LRRC37B: variants seen among roughly 807,000 people sequenced by gnomAD.
LRRC37B encodes the protein leucine-rich repeat-containing protein 37B.
A neutral mutation model predicts 98.3 loss-of-function variants in LRRC37B; 28 were observed. The observed-to-expected ratio is 0.28, with a 90% CI of 0.21 to 0.39. LRRC37B has a LOEUF of 0.39. Among genes scored for constraint, LRRC37B ranks in the 10% least tolerant of loss-of-function variants. The pLI, the probability that LRRC37B is intolerant of heterozygous loss-of-function variation, is 1.00. For missense variants in LRRC37B, 938 were observed against 1,182.7 expected (o/e 0.79, Z 3.03); for synonymous variants, 364 against 442.7 (o/e 0.82, Z 2.23).
At chr17:32,021,461 A>C in exon 1 of LRRC37B, 1 of 1,614,102 alleles carries the variant, frequency 6.2e-7, no homozygotes, top group Middle Eastern at 1.7e-4. Context: ...ATTCAGCTGG[A>C]GAGCTGCCCC....
At chr17:32,034,805 TA>T (rs1911201681) in intron 5 of LRRC37B, 104 bp from the exon 9 acceptor site, 9 of 820,352 alleles carry the variant, frequency 1.1e-5, no homozygotes, top group South Asian at 1.1e-4. Flanking sequence ...AGCAGAAAAT[TA>T]TTTTTTTTAC....
exon 1 of LRRC37B, chr17:32,021,343 C>A (rs774198958): frequency 1.2e-6 from 2 of 1,613,998 alleles, no homozygotes; most frequent in Non-Finnish European, 8.5e-7. Flanking sequence ...CCTGCTCCCC[C>A]AGCAGCCCCG....
exon 9 of LRRC37B, chr17:32,047,848 T>C: frequency 6.2e-7 from 1 of 1,614,132 alleles, no homozygotes; most frequent in Non-Finnish European, 8.5e-7. Context: ...CAGCTGACTA[T>C]TGAGTCGGAG....
chr17:32,029,459 G>A (rs1041625756), intron 3 of LRRC37B, among the ~76,000 whole-genome samples: 9 of 152,236 alleles, frequency 5.9e-5, no homozygotes, highest in Non-Finnish European at 1.2e-4. Flanking sequence ...AAGAAGAAAT[G>A]GATGTGGGCA....
chr17:32,037,068 C>T (rs1911267803), intron 7 of LRRC37B, among the ~76,000 whole-genome samples: 1 of 140,520 alleles, frequency 7.1e-6, no homozygotes, highest in African/African-American at 2.6e-5. Context: ...CTCACTGCAA[C>T]CTCTACCTCC....
intron 8 of LRRC37B, among the ~76,000 whole-genome samples, chr17:32,046,383 G>T (rs367328): frequency 0.13 from 17,990 of 138,866 alleles, no homozygotes; most frequent in African/African-American, 0.27. Context: ...CTCTGAACTT[G>T]CTCTGAATCT....
intron 10 of LRRC37B, among the ~76,000 whole-genome samples, chr17:32,049,653 G>A (rs1911690851): frequency 1.3e-5 from 2 of 152,132 alleles, no homozygotes; most frequent in Admixed American, 1.3e-4. Context: ...GATCACTTGA[G>A]GTCAGGAGTT....
At chr17:32,011,559 A>C (rs1232071650) in intron 1 of LRRC37B, among the ~76,000 whole-genome samples, 1 of 151,538 alleles carries the variant, frequency 6.6e-6, no homozygotes, top group East Asian at 2.0e-4. Flanking sequence ...GTGCAGTGGC[A>C]CGATCTTGGC....
intron 1 of LRRC37B, among the ~76,000 whole-genome samples, chr17:32,012,229 G>T (rs1331809949): frequency 1.5e-4 from 23 of 152,174 alleles, no homozygotes; most frequent in Admixed American, 1.5e-3. Flanking sequence ...TACTGAGAAA[G>T]GAGTGTTGAA....
At chr17:32,046,599 C>CTTTTTTTTT (rs796570580) in intron 8 of LRRC37B, among the ~76,000 whole-genome samples, 6 of 132,820 alleles carry the variant, frequency 4.5e-5, no homozygotes, top group African/African-American at 8.1e-5. Context: ...TTCTTTTTTT[C>CTTTTTTTTT]TTTTTTTTTT....
intron 1 of LRRC37B, among the ~76,000 whole-genome samples, chr17:32,009,820 A>G (rs140410312): frequency 5.5e-4 from 83 of 150,352 alleles, no homozygotes; most frequent in African/African-American, 1.9e-3. Flanking sequence ...TAATTTTTGT[A>G]TTTTTAATAG....
exon 1 of LRRC37B, chr17:32,022,224 A>G: frequency 1.2e-6 from 2 of 1,613,192 alleles, no homozygotes; most frequent in South Asian, 2.2e-5. Context: ...TAAAAATGAG[A>G]CAGAATCTAC....
exon 9 of LRRC37B, chr17:32,047,769 G>A (rs1407801007): frequency 6.8e-6 from 11 of 1,613,996 alleles, no homozygotes; most frequent in Non-Finnish European, 8.5e-6. Context: ...AGCTGAAGAA[G>A]CATCTGTAGG....
rs777234214 is a variant in LRRC37B at position 32,049,325 on chromosome 17, C to T, written c.2688C>T (p.Asp896=). 8 of 1,613,040 alleles carry T rather than the reference C, an allele frequency of 5.0e-6. No homozygotes were observed. In the African/African-American group the frequency reaches 6.7e-5, roughly 13 times the overall value. The stretch of plus-strand genomic sequence containing the variant: ...CATTGAATGTAGAATGGGATACGGA[C>T]CAACAAAAAACAAATTATATTAATG... Residue 896 remains aspartate, a synonymous_variant, in exon 10 of 12, where the codon GAC becomes GAT. Coordinates refer to ENST00000327564, the Ensembl canonical transcript of LRRC37B.
chr17:32,008,231 C>A, intron 1 of LRRC37B, 99 bp downstream of exon 1: 1 of 183,318 alleles, frequency 5.5e-6, no homozygotes, highest in Non-Finnish European at 1.3e-5. Flanking sequence ...GATCTCCCGC[C>A]AACCCCGCCG....
chr17:32,035,312 A>G (rs1911216711), intron 6 of LRRC37B, among the ~76,000 whole-genome samples: 1 of 152,176 alleles, frequency 6.6e-6, no homozygotes, highest in South Asian at 2.1e-4. Context: ...GGTGAATGCA[A>G]TATGAAATGA....
At chr17:32,021,276 C>A (rs1171776611) in exon 1 of LRRC37B, 2 of 1,613,156 alleles carry the variant, frequency 1.2e-6, no homozygotes, top group Admixed American at 3.3e-5. Flanking sequence ...CCCCCTGGGG[C>A]CACCTGAGCC....
chr17:32,010,279 A>G (rs764431981), intron 1 of LRRC37B, among the ~76,000 whole-genome samples: 5 of 152,224 alleles, frequency 3.3e-5, no homozygotes, highest in Non-Finnish European at 7.3e-5. Flanking sequence ...ACAATATGTA[A>G]TGTCTATAGA....
At chr17:32,046,832 T>C (rs1422838056) in intron 8 of LRRC37B, among the ~76,000 whole-genome samples, 1 of 152,172 alleles carries the variant, frequency 6.6e-6, no homozygotes, top group African/African-American at 2.4e-5. Context: ...CAAAATACTT[T>C]TAATTCTGGA....
Sources: allele counts gnomAD v4.1 joint callset (sites outside exome capture counted in the v4.1 genomes callset), GRCh38; gene constraint gnomAD v4.1.1; transcripts MANE v1.5; gene names NCBI Gene and HGNC (gene_info 2026-07-23, HGNC 2026-07-21).